BICC1: variants seen among roughly 807,000 people sequenced by gnomAD.
The protein encoded by BICC1 is protein bicaudal C homolog 1.
Under a neutral mutation model 111.0 loss-of-function variants are expected in BICC1, and 43 were observed. The ratio of observed to expected loss-of-function variants is 0.39; its 90% CI spans 0.30 to 0.50. The LOEUF is 0.50. Ranked by LOEUF, BICC1 falls within the 20% of genes least tolerant of loss-of-function variation. BICC1 has a pLI of 0.88. For synonymous variants in BICC1, 467 were observed against 434.4 expected (o/e 1.07, Z -0.93); for missense variants, 1,091 against 1,203.2 (o/e 0.91, Z 1.38).
chr10:58,743,811 A>G (rs532844378), intron 3 of BICC1, among the ~76,000 whole-genome samples: 4 of 149,114 alleles, frequency 2.7e-5, no homozygotes, highest in Non-Finnish European at 5.9e-5. Context: ...TGGGTTATAC[A>G]TGTTTTAAAA....
chr10:58,619,725 G>A (rs2132133508), intron 1 of BICC1, among the ~76,000 whole-genome samples: 1 of 152,104 alleles, frequency 6.6e-6, no homozygotes, highest in South Asian at 2.1e-4. Context: ...CGTCTGCCTC[G>A]GCCTCCCAAG....
chr10:58,622,670 G>A lies in BICC1; in HGVS notation c.237+1769G>A, dbSNP rs187077407. 1.6e-4 allele frequency among the ~76,000 whole-genome samples: 24 copies of A among 152,232 alleles called. No homozygotes were observed. In the East Asian group the frequency reaches 4.1e-3, roughly 26 times the overall value. ...CGTATAGGATTTGCATACTCATCCA[G>A]CAAAAAATCTCTAACTTAGAAACAG... On this transcript the variant is annotated intron_variant, in intron 2 of 20. Coordinates refer to ENST00000373886, the MANE Select transcript of BICC1 (RefSeq NM_001080512.3).
At chr10:58,644,998 CAAA>C (rs923264837) in intron 2 of BICC1, among the ~76,000 whole-genome samples, 3 of 151,854 alleles carry the variant, frequency 2.0e-5, no homozygotes, top group African/African-American at 7.3e-5. Flanking sequence ...TGTGTCTAAA[CAAA>C]AAAAATTTTC....
chr10:58,634,513 T>C (rs946804383), intron 2 of BICC1, among the ~76,000 whole-genome samples: 1 of 152,188 alleles, frequency 6.6e-6, no homozygotes, highest in African/African-American at 2.4e-5. Flanking sequence ...CATTAGTATT[T>C]TTTGGAAAAG....
intron 3 of BICC1, among the ~76,000 whole-genome samples, chr10:58,747,578 T>G (rs1841870269): frequency 6.6e-6 from 1 of 152,136 alleles, no homozygotes; most frequent in African/African-American, 2.4e-5. Flanking sequence ...AACTAACATG[T>G]CTATCACTTC....
intron 3 of BICC1, among the ~76,000 whole-genome samples, chr10:58,730,864 A>G (rs1373933639): frequency 2.0e-5 from 3 of 152,126 alleles, no homozygotes; most frequent in African/African-American, 7.2e-5. Context: ...GGCCTGGCCC[A>G]GGAAACCATT....
chr10:58,539,500 AC>A (rs1404525510), intron 1 of BICC1, among the ~76,000 whole-genome samples: 1 of 151,054 alleles, frequency 6.6e-6, no homozygotes, highest in Admixed American at 6.7e-5. Flanking sequence ...CATCCATGTA[AC>A]CAAAAAATCA....
chr10:58,710,270 C>A (rs1840531956), intron 3 of BICC1, among the ~76,000 whole-genome samples: 2 of 152,150 alleles, frequency 1.3e-5, no homozygotes, highest in Non-Finnish European at 2.9e-5. Context: ...GTTTCCAGAA[C>A]TCCAAATCAC....
chr10:58,753,584 A>T (rs959354403), intron 3 of BICC1, among the ~76,000 whole-genome samples: 2 of 152,228 alleles, frequency 1.3e-5, no homozygotes, highest in Non-Finnish European at 2.9e-5. Context: ...CAGTTTCTAG[A>T]TAATCTGTCC....
At chr10:58,777,229 A>G (rs1842771990) in intron 3 of BICC1, among the ~76,000 whole-genome samples, 1 of 151,970 alleles carries the variant, frequency 6.6e-6, no homozygotes, top group Non-Finnish European at 1.5e-5. Flanking sequence ...TTAAGTAAAC[A>G]GCTTTGATAA....
intron 2 of BICC1, chr10:58,648,494 G>A (rs1395794971): frequency 1.0e-6 from 1 of 984,384 alleles, no homozygotes. Context: ...CTTGTATGCT[G>A]GCCACTCCAC....
At chr10:58,553,475 A>T (rs1843356165) in intron 1 of BICC1, among the ~76,000 whole-genome samples, 1 of 152,154 alleles carries the variant, frequency 6.6e-6, no homozygotes. Flanking sequence ...TTCCAGTAGG[A>T]TTGCAGTCCA....
intron 15 of BICC1, among the ~76,000 whole-genome samples, chr10:58,803,691 TA>T (rs1392663302): frequency 1.7e-4 from 26 of 152,212 alleles, no homozygotes; most frequent in African/African-American, 4.8e-4. Context: ...TCTTTGAAAC[TA>T]GATGATGAAT....
intron 3 of BICC1, among the ~76,000 whole-genome samples, chr10:58,773,540 G>A (rs1031743435): frequency 2.0e-5 from 3 of 152,216 alleles, no homozygotes; most frequent in Non-Finnish European, 1.5e-5. Flanking sequence ...GGGGCAAGGG[G>A]AGGACAAGGT....
rs1327397290 is a variant in BICC1, at chr10:58,592,658, T to C, written c.191-28197T>C. 5.3e-5 allele frequency among the ~76,000 whole-genome samples: 8 copies of C among 149,744 alleles called. No individual in the cohort carries two copies. In the East Asian group the frequency reaches 1.4e-3, roughly 26 times the overall value. On this transcript the variant is annotated intron_variant, in intron 1 of 20. Coordinates refer to ENST00000373886, the MANE Select transcript of BICC1 (RefSeq NM_001080512.3). Reference sequence around the variant, plus strand: ...TAAACCCAGGAGGCGGAGGTAGCAGTGAGCCAAGATCATGCTACTGCACGC... The same window carrying C: ...TAAACCCAGGAGGCGGAGGTAGCAGCGAGCCAAGATCATGCTACTGCACGC...
At chr10:58,596,037 G>A (rs1188239989) in intron 1 of BICC1, among the ~76,000 whole-genome samples, 1 of 152,160 alleles carries the variant, frequency 6.6e-6, no homozygotes, top group African/African-American at 2.4e-5. Context: ...TATCACCCCT[G>A]ATCCCACAGA....
intron 3 of BICC1, among the ~76,000 whole-genome samples, chr10:58,775,243 G>A (rs892188975): frequency 1.3e-5 from 2 of 151,962 alleles, no homozygotes; most frequent in Non-Finnish European, 2.9e-5. Context: ...GCATGGTGGC[G>A]TGCACCTGTA....
At chr10:58,814,137 C>G (rs780595963) in intron 18 of BICC1, 151 bp downstream of exon 18, 44 of 890,204 alleles carry the variant, frequency 4.9e-5, no homozygotes, top group Non-Finnish European at 3.8e-5. Context: ...TTGTTTCTCC[C>G]AGTGAAGCAG....
intron 1 of BICC1, among the ~76,000 whole-genome samples, chr10:58,601,841 TTGTA>T (rs1845051254): frequency 6.6e-6 from 1 of 152,038 alleles, no homozygotes; most frequent in Non-Finnish European, 1.5e-5. Context: ...GATTCAAGGG[TTGTA>T]TCTTGAATTG....
Sources: allele counts gnomAD v4.1 joint callset (sites outside exome capture counted in the v4.1 genomes callset), GRCh38; gene constraint gnomAD v4.1.1; transcripts MANE v1.5; gene names NCBI Gene and HGNC (gene_info 2026-07-23, HGNC 2026-07-21).